Variants in TRIB2 observed in about 807,000 individuals in gnomAD.
TRIB2 encodes tribbles homolog 2.
A neutral mutation model predicts 26.8 loss-of-function variants in TRIB2; 2 were observed. The ratio of observed to expected loss-of-function variants is 0.07; its 90% CI spans 0.03 to 0.24. The LOEUF is 0.24. TRIB2 is among the 10% of genes least tolerant of loss of function. The probability of loss-of-function intolerance (pLI) is 1.00; values close to 1 mark genes in which losing one functional copy is unlikely to be tolerated. For synonymous variants in TRIB2, 189 were observed against 187.3 expected (o/e 1.01, Z -0.08); for missense variants, 306 against 449.0 (o/e 0.68, Z 2.88).
intron 2 of TRIB2, among the ~76,000 whole-genome samples, chr2:12,738,209 G>C (rs564568194): frequency 7.2e-5 from 11 of 152,276 alleles, no homozygotes; most frequent in African/African-American, 2.6e-4. Context: ...TGGCGGTGGT[G>C]ATCACGCTGA....
In TRIB2 at chr2:12,732,900, G is replaced by C. The variant is rs555807023; in HGVS notation, c.564-7426G>C. Among the ~76,000 whole-genome samples the C allele has an allele frequency of 6.6e-6, 1 of 152,196 alleles. No individual in the cohort carries two copies. The highest frequency in any genetic ancestry group is 2.4e-5 in the African/African-American group (1 of 41,444). On this transcript the variant is annotated intron_variant, in intron 2 of 2. Transcript: ENST00000155926. This position sits in a 1 kb window ranked among gnomAD's most constrained non-coding sequence, Gnocchi z 4.2. ...TTAAGCCTATCTGGACCGCCTGACTGGACGGCCTTCAGTGACTTCTCTGGA... is the reference window on the plus strand; with the variant it reads ...TTAAGCCTATCTGGACCGCCTGACTCGACGGCCTTCAGTGACTTCTCTGGA...
intron 2 of TRIB2, among the ~76,000 whole-genome samples, chr2:12,733,884 G>A (rs1009688798): frequency 6.6e-6 from 1 of 152,124 alleles, no homozygotes; most frequent in Non-Finnish European, 1.5e-5. Context: ...GTGGATGGGG[G>A]TGGGGGGAGA....
intron 1 of TRIB2, among the ~76,000 whole-genome samples, chr2:12,721,670 A>C (rs188017859): frequency 5.1e-4 from 77 of 152,276 alleles, no homozygotes; most frequent in Non-Finnish European, 8.8e-4. Context: ...CTTAAATTCT[A>C]GGTTATAGTG....
At position 12,721,932 on chromosome 2, in the gene TRIB2, C is replaced by T. The variant is rs576439686; in HGVS notation, c.271-1328C>T. ...TAAAATGAATCCGGTATCGTGCATG[C>T]ATTTGAGAACGGGCATTGTCAGCTA... On this transcript the variant is annotated intron_variant, in intron 1 of 2. Transcript: ENST00000155926. 2.6e-5 allele frequency among the ~76,000 whole-genome samples: 4 copies of T among 152,144 alleles called. No homozygotes were observed. In the South Asian group the frequency reaches 8.3e-4, roughly 31 times the overall value.
At chr2:12,722,641 C>T (rs1464623858) in intron 1 of TRIB2, among the ~76,000 whole-genome samples, 1 of 149,950 alleles carries the variant, frequency 6.7e-6, no homozygotes, top group Non-Finnish European at 1.5e-5. Context: ...AAGGCTGCTT[C>T]CCTATTCAGA....
intron 1 of TRIB2, among the ~76,000 whole-genome samples, chr2:12,722,362 A>G (rs1275011595): frequency 6.6e-6 from 1 of 152,244 alleles, no homozygotes; most frequent in East Asian, 1.9e-4. Flanking sequence ...TCCCAGGCAG[A>G]TAGAAAAACC....
At chr2:12,720,267 T>C (rs1291784375) in intron 1 of TRIB2, among the ~76,000 whole-genome samples, 2 of 152,180 alleles carry the variant, frequency 1.3e-5, no homozygotes, top group Non-Finnish European at 2.9e-5. Context: ...TTTGCAGACT[T>C]GTGCTCTGGC....
At chr2:12,735,201 CA>C (rs535241020) in intron 2 of TRIB2, among the ~76,000 whole-genome samples, 361 of 152,328 alleles carry the variant, frequency 2.4e-3, no homozygotes, top group Non-Finnish European at 4.0e-3. Flanking sequence ...AACAAGTTCA[CA>C]GTGTTCTGAG....
rs1666607787 is a variant in TRIB2 at position 12,717,107 on chromosome 2, A to G, written c.-1201A>G. ...GTCGGCCGTCCCCTTTAATTTTTAAATACACGGTCCCCTCTTTTCTCTGGG... is the reference window on the plus strand; with the variant it reads ...GTCGGCCGTCCCCTTTAATTTTTAAGTACACGGTCCCCTCTTTTCTCTGGG... On this transcript the variant is annotated 5_prime_UTR_variant, in exon 1 of 3. Transcript: ENST00000155926. This position sits in a 1 kb window ranked among gnomAD's most constrained non-coding sequence, Gnocchi z 4.8. 1 of 330,448 alleles carries G rather than the reference A, an allele frequency of 3.0e-6. No homozygotes were observed. Among genetic ancestry groups the G allele is most frequent in the Admixed American group, 4.9e-5 (1 of 20,558 alleles). 20.5% of individuals were successfully genotyped at this position (330,448 alleles called of 1,614,324 possible).
At position 12,740,206 on chromosome 2, in the gene TRIB2, G is replaced by GTGAATGAATGAATGTGAA. The variant is rs1661683386; in HGVS notation, c.564-116_564-99dup. On this transcript the variant is annotated intron_variant, in intron 2 of 2. Coordinates refer to ENST00000155926, the MANE Select transcript of TRIB2 (RefSeq NM_021643.4). This position sits in a 1 kb window ranked among gnomAD's most constrained non-coding sequence, Gnocchi z 5.8. Reference sequence around the variant, plus strand: ...AATGTTTGGCTGGTCAGATGAATGCGTGAATGAATGAATGTGAATGAGGAG... The same window carrying GTGAATGAATGAATGTGAA: ...AATGTTTGGCTGGTCAGATGAATGCGTGAATGAATGAATGTGAATGAATGAATGAATGTGAATGAGGAG... 1 of 980,896 alleles carries GTGAATGAATGAATGTGAA rather than the reference G, an allele frequency of 1.0e-6. No individual in the cohort carries two copies. Among genetic ancestry groups the GTGAATGAATGAATGTGAA allele is most frequent in the African/African-American group, 1.6e-5 (1 of 61,580 alleles). The allele number at this position is 980,896 out of a possible 1,614,324, so 60.8% of individuals were successfully genotyped here.
intron 2 of TRIB2, among the ~76,000 whole-genome samples, chr2:12,730,267 A>G (rs10185404): frequency 0.69 from 105,001 of 152,122 alleles, 36,354 homozygotes; most frequent in East Asian, 0.82. Context: ...TATTTTCACC[A>G]TTTTACAGAT....
rs509761 is a variant in TRIB2 at position 12,718,076 on chromosome 2, C to T, written c.-232C>T. 134,977 of 583,184 alleles carry T rather than the reference C, an allele frequency of 0.23. 19,689 individuals carry two copies. Among genetic ancestry groups the T allele is most frequent in the East Asian group, 0.6 (20,928 of 34,654 alleles). 36.1% of individuals were successfully genotyped at this position (583,184 alleles called of 1,614,324 possible). A position where few individuals can be genotyped will look rare whatever the true frequency, so the allele number is the denominator to read the frequency against. ...GACTGCTTTGGGGTAACAAAAAGACCCGAGTTGCCTGCCGACCGAGGACCC... is the reference window on the plus strand; with the variant it reads ...GACTGCTTTGGGGTAACAAAAAGACTCGAGTTGCCTGCCGACCGAGGACCC... On this transcript the variant is annotated 5_prime_UTR_variant, in exon 1 of 3. Transcript: ENST00000155926. The surrounding 1 kb of genome is among the most constrained non-coding windows in gnomAD (Gnocchi z 4.0).
Position 12,716,985 on chromosome 2 carries a change from C to A in TRIB2, c.-1323C>A, listed in dbSNP as rs1010686996. On this transcript the variant is annotated 5_prime_UTR_variant, in exon 1 of 3. Coordinates refer to ENST00000155926, the MANE Select transcript of TRIB2 (RefSeq NM_021643.4). ...CGCGCGCACACGCGCACTCACGGCC[C>A]CGCTCGCTCCGAGATCCCCGGCCAC... 1 of 159,548 alleles carries A rather than the reference C, an allele frequency of 6.3e-6. No individual in the cohort carries two copies. The highest frequency in any genetic ancestry group is 2.4e-5 in the African/African-American group (1 of 41,594). The allele number at this position is 159,548 out of a possible 1,614,324, so 9.9% of individuals were successfully genotyped here. A position where few individuals can be genotyped will look rare whatever the true frequency, so the allele number is the denominator to read the frequency against.
At chr2:12,731,420 G>A (rs1428463141) in intron 2 of TRIB2, among the ~76,000 whole-genome samples, 1 of 152,300 alleles carries the variant, frequency 6.6e-6, no homozygotes, top group Admixed American at 6.5e-5. Context: ...TTTCTGGATG[G>A]CAGGGATGGG....
intron 2 of TRIB2, among the ~76,000 whole-genome samples, chr2:12,728,704 C>T (rs1439485317): frequency 6.6e-6 from 1 of 152,196 alleles, no homozygotes; most frequent in African/African-American, 2.4e-5. Flanking sequence ...AGGGTGGAAG[C>T]TGCGACTGTT....
At chr2:12,725,881 G>A (rs1661330534) in intron 2 of TRIB2, among the ~76,000 whole-genome samples, 1 of 152,244 alleles carries the variant, frequency 6.6e-6, no homozygotes, top group South Asian at 2.1e-4. Context: ...TGTTGCCCCA[G>A]GGGCCAGCCT....
chr2:12,727,975 A>G (rs1661369726), intron 2 of TRIB2, among the ~76,000 whole-genome samples: 1 of 152,038 alleles, frequency 6.6e-6, no homozygotes, highest in South Asian at 2.1e-4. Context: ...TGATCAGTCT[A>G]TTCTTAGAAG....
At chr2:12,733,565 T>G (rs1156828626) in intron 2 of TRIB2, among the ~76,000 whole-genome samples, 2 of 152,216 alleles carry the variant, frequency 1.3e-5, no homozygotes, top group Admixed American at 6.5e-5. Flanking sequence ...CATACTTGTC[T>G]TTTACTTTGT....
At chr2:12,720,116 A>G (rs1216652464) in intron 1 of TRIB2, among the ~76,000 whole-genome samples, 1 of 152,212 alleles carries the variant, frequency 6.6e-6, no homozygotes, top group Non-Finnish European at 1.5e-5. Flanking sequence ...GCTTTTAAGT[A>G]TAGGGACTCT....
Sources: allele counts gnomAD v4.1 joint callset (sites outside exome capture counted in the v4.1 genomes callset), GRCh38; gene constraint gnomAD v4.1.1; non-coding constraint Gnocchi (gnomAD v3.1); transcripts MANE v1.5; gene names NCBI Gene and HGNC (gene_info 2026-07-23, HGNC 2026-07-21).